The following CDH8 variants were observed in gnomAD, a reference collection of about 807,000 sequenced individuals.
CDH8 encodes cadherin-8.
Under a neutral mutation model 68.1 loss-of-function variants are expected in CDH8, and 17 were observed. The ratio of observed to expected loss-of-function variants is 0.25; its 90% CI spans 0.17 to 0.37. The LOEUF (loss-of-function observed/expected upper bound fraction) is 0.37, where lower values mean the gene tolerates loss of function less well. Ranked by LOEUF, CDH8 falls within the 10% of genes least tolerant of loss-of-function variation. The probability of loss-of-function intolerance (pLI) is 1.00; values close to 1 mark genes in which losing one functional copy is unlikely to be tolerated. For synonymous variants in CDH8, 372 were observed against 365.1 expected (o/e 1.02, Z -0.21); for missense variants, 763 against 999.3 (o/e 0.76, Z 3.19).
chr16:61,772,377 G>T (rs1274528383), intron 8 of CDH8, among the ~76,000 whole-genome samples: 1 of 152,004 alleles, frequency 6.6e-6, no homozygotes, highest in African/African-American at 2.4e-5. Flanking sequence ...GATGCAAAAT[G>T]TTCATAAATT....
chr16:61,699,733 C>T (rs1033765482), intron 10 of CDH8, among the ~76,000 whole-genome samples: 2 of 152,078 alleles, frequency 1.3e-5, no homozygotes, highest in East Asian at 1.9e-4. Context: ...CACCACCACG[C>T]CTGGTTAATT....
chr16:61,913,789 T>G (rs1276388871), intron 2 of CDH8, among the ~76,000 whole-genome samples: 1 of 152,152 alleles, frequency 6.6e-6, no homozygotes, highest in Non-Finnish European at 1.5e-5. Context: ...TGGAAATATG[T>G]ATAACTCCTA....
chr16:61,886,543 T>C (rs1257187256), intron 3 of CDH8, among the ~76,000 whole-genome samples: 3 of 152,194 alleles, frequency 2.0e-5, no homozygotes, highest in Non-Finnish European at 4.4e-5. Context: ...TATAGATAGA[T>C]GGAAGTATCA....
chr16:61,931,916 A>G (rs913195125), intron 2 of CDH8, among the ~76,000 whole-genome samples: 5 of 152,106 alleles, frequency 3.3e-5, no homozygotes, highest in Non-Finnish European at 7.4e-5. Flanking sequence ...GAATATAATG[A>G]AAAAGCACAG....
At chr16:62,031,860 T>C (rs1442630506) in intron 1 of CDH8, 5 of 152,186 alleles carry the variant, frequency 3.3e-5, no homozygotes, top group African/African-American at 4.8e-5. Context: ...CAACATATGG[T>C]AGAAGCAGCT....
chr16:61,828,467 T>G (rs889297262), intron 4 of CDH8, among the ~76,000 whole-genome samples: 1 of 151,910 alleles, frequency 6.6e-6, no homozygotes, highest in Admixed American at 6.6e-5. Flanking sequence ...AGGTCTGGAC[T>G]GGGACCTCTT....
Position 61,799,603 on chromosome 16 carries a change from T to C in CDH8, c.1278-10121A>G, listed in dbSNP as rs867871805. ...TATCTTGACCATAGTATCTGTCACA[T>C]AGTAAACTCTTATTAAATGTTGGAA... On this transcript the variant is annotated intron_variant, in intron 7 of 11. Coordinates refer to ENST00000577390, the MANE Select transcript of CDH8 (RefSeq NM_001796.5). Among the ~76,000 whole-genome samples, 13 of 152,238 alleles carry C rather than the reference T, an allele frequency of 8.5e-5. 1 individual carries two copies. In the South Asian group the frequency reaches 2.1e-3, roughly 24 times the overall value.
chr16:62,026,254 G>A (rs541406402), intron 1 of CDH8, among the ~76,000 whole-genome samples: 1 of 152,138 alleles, frequency 6.6e-6, no homozygotes, highest in South Asian at 2.1e-4. Flanking sequence ...CACCTGTAGT[G>A]GGGTGCTTCT....
intron 8 of CDH8, among the ~76,000 whole-genome samples, chr16:61,778,078 T>A (rs1377931559): frequency 6.6e-6 from 1 of 152,070 alleles, no homozygotes; most frequent in South Asian, 2.1e-4. Context: ...GCAACCTGTG[T>A]GATTTTGGGG....
At chr16:61,671,996 T>C (rs1472212131) in intron 10 of CDH8, among the ~76,000 whole-genome samples, 2 of 152,156 alleles carry the variant, frequency 1.3e-5, no homozygotes, top group African/African-American at 2.4e-5. Flanking sequence ...TTGTACACTA[T>C]AGAGAAATCT....
intron 3 of CDH8, among the ~76,000 whole-genome samples, chr16:61,900,311 T>TA (rs1963945759): frequency 6.6e-6 from 1 of 152,144 alleles, no homozygotes; most frequent in Non-Finnish European, 1.5e-5. Context: ...CATGCACCCT[T>TA]ATAGGCTGTC....
chr16:61,995,298 G>A (rs1465297625), intron 2 of CDH8, among the ~76,000 whole-genome samples: 1 of 152,172 alleles, frequency 6.6e-6, no homozygotes, highest in Non-Finnish European at 1.5e-5. Context: ...AACAATTACT[G>A]TTTTGCACAA....
At chr16:61,736,112 A>AAAGGAAGGAAGAAAGGAAGGAAGG (rs1555506341) in intron 8 of CDH8, among the ~76,000 whole-genome samples, 2 of 116,464 alleles carry the variant, frequency 1.7e-5, no homozygotes, top group Non-Finnish European at 1.7e-5. Flanking sequence ...AGAAAGAAAG[A>AAAGGAAGGAAGAAAGGAAGGAAGG]AAGGAAGGAA....
rs1004181969 is a variant in CDH8 at position 61,655,651 on chromosome 16, T to C, written c.1725A>G (p.Pro575=). Residue 575 remains proline (P), a synonymous_variant, in exon 11 of 12, where the codon CCA becomes CCG. Transcript: ENST00000577390. ...NRQKQEVYLL[P]IIISDSGNPP... ...GATTTCCACTATCACTGATTATGAT[T>C]GGTAAAAGATAGACTTCTTGCTTCT... 1 of 1,613,958 alleles carries C rather than the reference T, an allele frequency of 6.2e-7. No individual in the cohort carries two copies. The highest frequency in any genetic ancestry group is 8.5e-7 in the Non-Finnish European group (1 of 1,179,922).
chr16:61,665,503 G>T (rs1407865380), intron 10 of CDH8, among the ~76,000 whole-genome samples: 1 of 151,824 alleles, frequency 6.6e-6, no homozygotes, highest in Admixed American at 6.6e-5. Flanking sequence ...GGGCCTGTCA[G>T]GGGGTGGGGG....
chr16:61,661,955 C>A (rs903605459), intron 10 of CDH8, among the ~76,000 whole-genome samples: 1 of 150,346 alleles, frequency 6.7e-6, no homozygotes, highest in Non-Finnish European at 1.5e-5. Flanking sequence ...TACTTTGTTT[C>A]TGATTTTTTT....
intron 2 of CDH8, among the ~76,000 whole-genome samples, chr16:62,001,252 C>T (rs1017243532): frequency 1.3e-5 from 2 of 152,134 alleles, no homozygotes; most frequent in Non-Finnish European, 2.9e-5. Context: ...TTAATAGGTA[C>T]AGTTAGAGTT....
chr16:61,697,329 T>C (rs1964345944), intron 10 of CDH8, among the ~76,000 whole-genome samples: 2 of 152,042 alleles, frequency 1.3e-5, no homozygotes, highest in African/African-American at 2.4e-5. Context: ...TTTGAGAACA[T>C]GTCACCCTTA....
intron 7 of CDH8, among the ~76,000 whole-genome samples, chr16:61,816,647 G>A (rs936661567): frequency 2.0e-5 from 3 of 152,062 alleles, no homozygotes; most frequent in Non-Finnish European, 4.4e-5. Context: ...TTCACCCTTG[G>A]AGACCAGCAT....
Sources: allele counts gnomAD v4.1 joint callset (sites outside exome capture counted in the v4.1 genomes callset), GRCh38; gene constraint gnomAD v4.1.1; transcripts MANE v1.5; gene names NCBI Gene and HGNC (gene_info 2026-07-23, HGNC 2026-07-21).